CCDC62: variants seen among roughly 807,000 people sequenced by gnomAD.
The protein encoded by CCDC62 is coiled-coil domain-containing protein 62.
CCDC62 carries 72 observed loss-of-function variants against 80.8 expected under a neutral mutation model. That is an observed-to-expected ratio of 0.89 (90% CI 0.74 to 1.08). The LOEUF is 1.08. Among genes scored for constraint, CCDC62 ranks in the 50% least tolerant of loss-of-function variants. The pLI is 0.00. For synonymous variants in CCDC62, 286 were observed against 296.5 expected, an observed-to-expected ratio of 0.96 and a Z score of 0.36; for missense variants, 704 against 809.4, an observed-to-expected ratio of 0.87 and a Z score of 1.58.
chr12:122,786,553 A>G (rs2030247623), intron 4 of CCDC62, among the ~76,000 whole-genome samples: 1 of 152,198 alleles, frequency 6.6e-6, no homozygotes, highest in African/African-American at 2.4e-5. Flanking sequence ...TACACATGTC[A>G]TTGACAATTG....
At chr12:122,807,445 C>T (rs930773678) in intron 10 of CCDC62, among the ~76,000 whole-genome samples, 5 of 146,492 alleles carry the variant, frequency 3.4e-5, no homozygotes, top group Admixed American at 7.0e-5. Context: ...GCGGGAGAAT[C>T]GCTTGAAACC....
At chr12:122,775,685 T>C (rs1279789647) in intron 1 of CCDC62, among the ~76,000 whole-genome samples, 1 of 152,236 alleles carries the variant, frequency 6.6e-6, no homozygotes, top group Admixed American at 6.5e-5. Flanking sequence ...CAATGTCGGC[T>C]TACTGCAGCC....
intron 6 of CCDC62, among the ~76,000 whole-genome samples, chr12:122,795,293 C>T (rs893302760): frequency 6.6e-6 from 1 of 152,076 alleles, no homozygotes; most frequent in African/African-American, 2.4e-5. Flanking sequence ...TCAGACAATC[C>T]ACCCGCCTCG....
rs139312408 is a variant in CCDC62 at position 122,800,722 on chromosome 12, C to T, written c.978-402C>T. Among the ~76,000 whole-genome samples the T allele has an allele frequency of 4.7e-3, 714 of 151,842 alleles. 8 individuals carry two copies. Among genetic ancestry groups the T allele is most frequent in the African/African-American group, 0.016 (680 of 41,312 alleles). The stretch of plus-strand genomic sequence containing the variant: ...GATTACAGGCGTGAGCCACTGCACC[C>T]GGCCTCAAAAAAAATTTTTTTTAAG... On this transcript the variant is annotated intron_variant, in intron 8 of 12. Transcript: ENST00000253079.
chr12:122,797,229 G>A lies in CCDC62; in HGVS notation c.773-78G>A, dbSNP rs1249393854. The A allele has an allele frequency of 5.5e-6, 4 of 732,418 alleles. No individual in the cohort carries two copies. The African/African-American group carries it at 7.1e-5, about 13-fold the overall frequency. The allele number at this position is 732,418 out of a possible 1,614,324, so 45.4% of individuals were successfully genotyped here. Reference sequence around the variant, plus strand: ...CAACAACAACAAAAATGTTAGCTGAGCATTAAATTGTTGGAAATGGAGAGG... The same window carrying A: ...CAACAACAACAAAAATGTTAGCTGAACATTAAATTGTTGGAAATGGAGAGG... On this transcript the variant is annotated intron_variant, in intron 6 of 12. Coordinates refer to ENST00000253079, the MANE Select transcript of CCDC62 (RefSeq NM_201435.5).
Position 122,801,492 on chromosome 12 carries a change from C to G in CCDC62, c.1346C>G (p.Pro449Arg), listed in dbSNP as rs749239981. The G allele has an allele frequency of 2.9e-5, 46 of 1,613,980 alleles. No homozygotes were observed. In the South Asian group the frequency reaches 4.5e-4, roughly 16 times the overall value. The change falls in exon 9 of 13, where the codon CCC becomes CGC. Residue 449 changes from proline (P) to arginine (R), a missense_variant. Coordinates refer to ENST00000253079, the MANE Select transcript of CCDC62 (RefSeq NM_201435.5). ...GGGGTTCAGAACGAAGGAAAACAAC[C>G]CTCAGAAACACCCACTTTATCTGAT... ...GTGVQNEGKQ[P>R]SETPTLSDEK...
At chr12:122,786,615 G>A (rs1002407345) in intron 4 of CCDC62, among the ~76,000 whole-genome samples, 1 of 152,180 alleles carries the variant, frequency 6.6e-6, no homozygotes, top group Non-Finnish European at 1.5e-5. Context: ...TAATAAATAT[G>A]TGATTTTTCT....
chr12:122,810,604 C>T (rs1418450867), intron 10 of CCDC62, among the ~76,000 whole-genome samples: 1 of 152,162 alleles, frequency 6.6e-6, no homozygotes, highest in Non-Finnish European at 1.5e-5. Flanking sequence ...TTGTGGAAGA[C>T]AGTGTGGCGA....
At chr12:122,825,553 G>T (rs1276359225) in intron 12 of CCDC62, among the ~76,000 whole-genome samples, 2 of 133,086 alleles carry the variant, frequency 1.5e-5, no homozygotes, top group Admixed American at 8.3e-5. Flanking sequence ...ACGGGGTTTC[G>T]CCACGTTGGC....
chr12:122,782,646 C>T (rs1256892326), intron 3 of CCDC62, among the ~76,000 whole-genome samples: 9 of 151,802 alleles, frequency 5.9e-5, no homozygotes, highest in African/African-American at 7.3e-5. Flanking sequence ...TTAGTAGAGA[C>T]GGAGTTTCTC....
intron 9 of CCDC62, among the ~76,000 whole-genome samples, chr12:122,804,102 G>A (rs1009770804): frequency 6.6e-6 from 1 of 152,208 alleles, no homozygotes; most frequent in Non-Finnish European, 1.5e-5. Flanking sequence ...TAACTAAAAT[G>A]TTCACATCTG....
intron 2 of CCDC62, 69 bp from the exon 3 acceptor site, chr12:122,781,095 C>T: frequency 1.4e-5 from 18 of 1,254,000 alleles, no homozygotes; most frequent in South Asian, 5.6e-5. Flanking sequence ...ACCTTTTAAC[C>T]ACCCATTTTG....
intron 9 of CCDC62, among the ~76,000 whole-genome samples, chr12:122,803,961 G>A: frequency 6.6e-6 from 1 of 152,202 alleles, no homozygotes; most frequent in East Asian, 1.9e-4. Context: ...AATGATTGAA[G>A]TGATTGCCTG....
chr12:122,783,494 G>A (rs1242618950), intron 3 of CCDC62, among the ~76,000 whole-genome samples: 1 of 151,972 alleles, frequency 6.6e-6, no homozygotes, highest in Non-Finnish European at 1.5e-5. Flanking sequence ...CCAAAGTGCT[G>A]GGATTACAGG....
At chr12:122,776,272 C>T (rs1389373304) in intron 1 of CCDC62, among the ~76,000 whole-genome samples, 1 of 152,168 alleles carries the variant, frequency 6.6e-6, no homozygotes, top group Non-Finnish European at 1.5e-5. Context: ...TATGTAGCCA[C>T]TAAGTGGCTA....
At chr12:122,808,003 G>A (rs1005414185) in intron 10 of CCDC62, among the ~76,000 whole-genome samples, 3 of 152,044 alleles carry the variant, frequency 2.0e-5, no homozygotes, top group African/African-American at 7.2e-5. Context: ...AGTAAGTATG[G>A]TCTTTGTCAT....
intron 7 of CCDC62, 43 bp downstream of exon 7, chr12:122,797,438 G>T: frequency 9.0e-7 from 1 of 1,106,736 alleles, no homozygotes. Flanking sequence ...AGAAATGTTT[G>T]TAAACAAATA....
intron 11 of CCDC62, among the ~76,000 whole-genome samples, chr12:122,823,013 T>A (rs1294131868): frequency 6.6e-6 from 1 of 152,098 alleles, no homozygotes; most frequent in Non-Finnish European, 1.5e-5. Context: ...CAGGCTGGAG[T>A]GCAGTGGCGT....
intron 12 of CCDC62, among the ~76,000 whole-genome samples, chr12:122,825,176 TTTTG>T (rs1299584883): frequency 6.6e-6 from 1 of 151,916 alleles, no homozygotes; most frequent in Non-Finnish European, 1.5e-5. Flanking sequence ...GAAAGAAGTT[TTTTG>T]TTTGTTTGTT....
Sources: allele counts gnomAD v4.1 joint callset (sites outside exome capture counted in the v4.1 genomes callset), GRCh38; gene constraint gnomAD v4.1.1; transcripts MANE v1.5; gene names NCBI Gene and HGNC (gene_info 2026-07-23, HGNC 2026-07-21).